The following PDE1A variants were observed in gnomAD, a reference collection of about 807,000 sequenced individuals.
PDE1A encodes the protein dual specificity calcium/calmodulin-dependent 3',5'-cyclic nucleotide phosphodiesterase 1A.
PDE1A carries 35 observed loss-of-function variants against 61.7 expected under a neutral mutation model. The ratio of observed to expected loss-of-function variants is 0.57; its 90% CI spans 0.43 to 0.75. PDE1A has a LOEUF of 0.75. Among genes scored for constraint, PDE1A ranks in the 30% least tolerant of loss-of-function variants. The pLI, the probability that PDE1A is intolerant of heterozygous loss-of-function variation, is 0.00. For missense variants in PDE1A, 597 were observed against 630.6 expected, an observed-to-expected ratio of 0.95 and a Z score of 0.57; for synonymous variants, 232 against 213.2, an observed-to-expected ratio of 1.09 and a Z score of -0.77.
chr2:182,244,839 G>A (rs1446582307), intron 2 of PDE1A, among the ~76,000 whole-genome samples: 1 of 152,224 alleles, frequency 6.6e-6, no homozygotes, highest in East Asian at 1.9e-4. Flanking sequence ...CAGAAAAGAA[G>A]TGAATCTGGG....
At chr2:182,523,941 G>C (rs1209258943), upstream of PDE1A, among the ~76,000 whole-genome samples, 1 of 152,054 alleles carries the variant, frequency 6.6e-6, no homozygotes, top group Non-Finnish European at 1.5e-5. Context: ...ATAGAAAATG[G>C]CTTCTGATTT....
the PDE1A span, among the ~76,000 whole-genome samples, chr2:182,606,240 G>A: frequency 1.2e-4 from 18 of 152,236 alleles, no homozygotes; most frequent in Admixed American, 5.9e-4. Flanking sequence ...ATGCAATGGC[G>A]CAATCTCAGC....
chr2:182,681,157 G>A, the PDE1A span, among the ~76,000 whole-genome samples: 1 of 143,130 alleles, frequency 7.0e-6, no homozygotes, highest in African/African-American at 2.6e-5. Flanking sequence ...TGTTTTTTTT[G>A]TTTTTTTTTT....
chr2:182,294,092 A>T (rs1694717212), intron 1 of PDE1A, among the ~76,000 whole-genome samples: 1 of 152,208 alleles, frequency 6.6e-6, no homozygotes. Context: ...ACAACAAAAG[A>T]TTTAATCACA....
the PDE1A span, among the ~76,000 whole-genome samples, chr2:182,699,843 CT>C: frequency 6.6e-6 from 1 of 152,192 alleles, no homozygotes; most frequent in Non-Finnish European, 1.5e-5. Context: ...ATTACTATGA[CT>C]GTTTTACAAA....
At chr2:182,341,163 G>A (rs1017420528) in intron 1 of PDE1A, among the ~76,000 whole-genome samples, 4 of 152,104 alleles carry the variant, frequency 2.6e-5, no homozygotes, top group Non-Finnish European at 4.4e-5. Context: ...TTCTCACAAC[G>A]TTATAGAGAG....
At chr2:182,462,623 A>G (rs1686382739) in intron 2 of PDE1A, among the ~76,000 whole-genome samples, 2 of 152,010 alleles carry the variant, frequency 1.3e-5, no homozygotes, top group Admixed American at 6.6e-5. Flanking sequence ...GACTAGTCAA[A>G]TTAACATACT....
upstream of PDE1A, among the ~76,000 whole-genome samples, chr2:182,428,945 A>G (rs1275274583): frequency 6.6e-6 from 1 of 152,162 alleles, no homozygotes; most frequent in Non-Finnish European, 1.5e-5. Context: ...GTACAGTTCA[A>G]ACGGCAAGCA....
chr2:182,537,489 G>T, the PDE1A span, among the ~76,000 whole-genome samples: 1 of 152,022 alleles, frequency 6.6e-6, no homozygotes, highest in East Asian at 1.9e-4. Context: ...CACACACTGG[G>T]ACCTGTCGGG....
At chr2:182,165,888 CTT>C (rs749206667), downstream of PDE1A, among the ~76,000 whole-genome samples, 21 of 152,166 alleles carry the variant, frequency 1.4e-4, no homozygotes, top group Non-Finnish European at 2.5e-4. Flanking sequence ...GATTTATTGA[CTT>C]AATATCAGCA....
chr2:182,657,201 G>T, the PDE1A span, among the ~76,000 whole-genome samples: 1 of 152,060 alleles, frequency 6.6e-6, no homozygotes. Flanking sequence ...CCAGCCTGGT[G>T]ACAGATCGAG....
chr2:182,565,585 A>G, the PDE1A span, among the ~76,000 whole-genome samples: 13 of 152,090 alleles, frequency 8.5e-5, no homozygotes, highest in African/African-American at 3.1e-4. Flanking sequence ...AAAGAGTCCT[A>G]CTTTGCAGCC....
chr2:182,507,421 C>T (rs1328670779), intron 2 of PDE1A, among the ~76,000 whole-genome samples: 2 of 152,178 alleles, frequency 1.3e-5, no homozygotes, highest in Admixed American at 1.3e-4. Context: ...GGGGCCTCAG[C>T]TGGAGTGGTT....
At chr2:182,645,991 A>G in the PDE1A span, among the ~76,000 whole-genome samples, 1 of 152,322 alleles carries the variant, frequency 6.6e-6, no homozygotes, top group South Asian at 2.1e-4. Context: ...AGGAAATGTC[A>G]TATTTTGGTT....
At chr2:182,436,728 G>A (rs575012063) in intron 2 of PDE1A, among the ~76,000 whole-genome samples, 2 of 151,958 alleles carry the variant, frequency 1.3e-5, no homozygotes, top group South Asian at 4.2e-4. Context: ...CACCCAAAAG[G>A]TAGAATCGCA....
chr2:182,241,975 C>T, intron 2 of PDE1A: 2 of 1,482,506 alleles, frequency 1.3e-6, no homozygotes, highest in Admixed American at 2.3e-5. Flanking sequence ...TTGAAAATAT[C>T]ACTACTTTAA....
At chr2:182,403,417 G>A (rs968152321) in intron 1 of PDE1A, among the ~76,000 whole-genome samples, 2 of 151,880 alleles carry the variant, frequency 1.3e-5, no homozygotes, top group African/African-American at 2.4e-5. Context: ...GGCTAACACG[G>A]TGAAACCCCG....
intron 1 of PDE1A, among the ~76,000 whole-genome samples, chr2:182,294,594 C>T (rs1694749488): frequency 6.6e-6 from 1 of 152,166 alleles, no homozygotes; most frequent in South Asian, 2.1e-4. Context: ...TCCCCATAGG[C>T]AGCCATATTT....
chr2:182,465,984 CAAT>C (rs893353522), intron 2 of PDE1A, among the ~76,000 whole-genome samples: 1 of 151,926 alleles, frequency 6.6e-6, no homozygotes, highest in African/African-American at 2.4e-5. Flanking sequence ...CTATACCAAA[CAAT>C]GATACAATTT....
Sources: allele counts gnomAD v4.1 joint callset (sites outside exome capture counted in the v4.1 genomes callset), GRCh38; gene constraint gnomAD v4.1.1; transcripts MANE v1.5; gene names NCBI Gene and HGNC (gene_info 2026-07-23, HGNC 2026-07-21).